LCORL: variants seen among roughly 807,000 people sequenced by gnomAD.
LCORL encodes the protein ligand-dependent nuclear receptor corepressor-like protein.
In LCORL, 41 loss-of-function variants were observed where a neutral mutation model predicts 141.8. The observed-to-expected ratio is 0.29, with a 90% CI of 0.23 to 0.38. The LOEUF is 0.38. Ranked by LOEUF, LCORL falls within the 10% of genes least tolerant of loss-of-function variation. The pLI is 1.00. For synonymous variants in LCORL, 618 were observed against 694.1 expected (o/e 0.89, Z 1.72); for missense variants, 1,759 against 2,035.0 (o/e 0.86, Z 2.61).
intron 6 of LCORL, among the ~76,000 whole-genome samples, chr4:17,878,666 G>C (rs184301814): frequency 2.0e-3 from 297 of 151,376 alleles, no homozygotes; most frequent in Non-Finnish European, 2.6e-3. Context: ...CCAAGGCAGT[G>C]AAAATAATAA....
chr4:17,865,763 A>T (rs1725569690), intron 7 of LCORL, among the ~76,000 whole-genome samples: 1 of 152,084 alleles, frequency 6.6e-6, no homozygotes, highest in Non-Finnish European at 1.5e-5. Context: ...CCCACCCCAT[A>T]CTCAATCAAA....
chr4:17,870,019 T>C (rs773254938), intron 7 of LCORL, among the ~76,000 whole-genome samples: 4 of 152,222 alleles, frequency 2.6e-5, no homozygotes, highest in Non-Finnish European at 5.9e-5. Flanking sequence ...TATTTGATGC[T>C]GACCTCACAA....
intron 5 of LCORL, among the ~76,000 whole-genome samples, chr4:17,901,577 GAAGGGAAACACAGCACAC>G (rs1730887470): frequency 1.3e-5 from 2 of 152,082 alleles, no homozygotes; most frequent in Non-Finnish European, 2.9e-5. Flanking sequence ...GATGTCACAA[GAAGGGAAACACAGCACAC>G]AAGGGAAACA....
exon 7 of LCORL, chr4:17,875,005 G>A: frequency 8.1e-7 from 1 of 1,233,680 alleles, no homozygotes; most frequent in Non-Finnish European, 1.0e-6. Context: ...CTAATAGAAT[G>A]TCTCAAAGGT....
At chr4:17,927,937 T>A (rs1322224031) in intron 4 of LCORL, among the ~76,000 whole-genome samples, 3 of 151,828 alleles carry the variant, frequency 2.0e-5, no homozygotes, top group Admixed American at 2.0e-4. Context: ...TGTAAAAAAA[T>A]GCAAAATCTA....
chr4:17,968,743 C>T (rs1015710584), intron 2 of LCORL, among the ~76,000 whole-genome samples: 5 of 152,112 alleles, frequency 3.3e-5, no homozygotes, highest in Non-Finnish European at 5.9e-5. Flanking sequence ...TCCAATAAAA[C>T]TTTATTAACT....
chr4:17,999,847 T>G (rs1399101710), intron 1 of LCORL, among the ~76,000 whole-genome samples: 1 of 152,188 alleles, frequency 6.6e-6, no homozygotes, highest in Non-Finnish European at 1.5e-5. Flanking sequence ...TTTGGCAATT[T>G]TCAACACTCA....
chr4:17,853,174 A>T (rs1243827008), intron 7 of LCORL, among the ~76,000 whole-genome samples: 1 of 151,526 alleles, frequency 6.6e-6, no homozygotes, highest in African/African-American at 2.4e-5. Context: ...TCCAGGGCCT[A>T]TGATCTATCA....
At chr4:18,001,630 G>A (rs1721975060) in intron 1 of LCORL, among the ~76,000 whole-genome samples, 1 of 152,136 alleles carries the variant, frequency 6.6e-6, no homozygotes, top group African/African-American at 2.4e-5. Context: ...AAGAAAGAAT[G>A]GAAGACAGAG....
chr4:17,969,591 T>G (rs192246265), intron 2 of LCORL, among the ~76,000 whole-genome samples: 23 of 152,270 alleles, frequency 1.5e-4, no homozygotes, highest in Admixed American at 1.4e-3. Flanking sequence ...TAATACGCAT[T>G]TAATTTCATA....
In LCORL at chr4:17,884,665, C is replaced by T; in HGVS notation, c.776+1403G>A. The T allele has an allele frequency of 6.5e-7, 1 of 1,537,212 alleles. No homozygotes were observed. The highest frequency in any genetic ancestry group is 8.8e-7 in the Non-Finnish European group (1 of 1,142,528). On this transcript the variant is annotated intron_variant, in intron 6 of 7. Transcript: ENST00000635767. The surrounding 1 kb of genome is among the most constrained non-coding windows in gnomAD (Gnocchi z 4.4). ...CTTTATTTATGTCCAGTGCTCCAGA[C>T]TGAATGTCTTTCAAAGCTTTTGAGA...
intron 5 of LCORL, among the ~76,000 whole-genome samples, chr4:17,899,134 A>G (rs748241814): frequency 1.3e-3 from 200 of 152,308 alleles, no homozygotes; most frequent in Non-Finnish European, 2.2e-3. Context: ...TTCATATTTT[A>G]CATTTCAATT....
exon 8 of LCORL, chr4:17,843,436 G>A: frequency 6.2e-7 from 1 of 1,610,034 alleles, no homozygotes; most frequent in Non-Finnish European, 8.5e-7. Flanking sequence ...GAAAGACGAT[G>A]GAGGTGGAAT....
chr4:17,876,351 A>G, exon 7 of LCORL: 1 of 1,230,954 alleles, frequency 8.1e-7, no homozygotes, highest in Non-Finnish European at 1.0e-6. Context: ...AGTAAGAGTC[A>G]TATTTCTGTC....
intron 1 of LCORL, among the ~76,000 whole-genome samples, chr4:18,006,762 C>T (rs1722883568): frequency 6.6e-6 from 1 of 152,142 alleles, no homozygotes; most frequent in South Asian, 2.1e-4. Context: ...TTACCTCCCA[C>T]CAGTTTCCTC....
At chr4:17,850,112 C>A (rs1288329316) in intron 7 of LCORL, among the ~76,000 whole-genome samples, 79 of 147,472 alleles carry the variant, frequency 5.4e-4, no homozygotes, top group Non-Finnish European at 9.9e-4. Flanking sequence ...CTTCCTTACA[C>A]CTTATACAAA....
chr4:17,957,052 T>A (rs1426582729), intron 4 of LCORL, among the ~76,000 whole-genome samples: 1 of 151,116 alleles, frequency 6.6e-6, no homozygotes, highest in Non-Finnish European at 1.5e-5. Flanking sequence ...GTGGCTAGAG[T>A]AGAATAAAGG....
Position 17,967,871 on chromosome 4 carries a change from T to C in LCORL, c.221-4822A>G, listed in dbSNP as rs187704208. ...CTTTTTTTTTCTTTTCTTTTCTTTTTTTTTGAGATGGAGTTCCACTCTGTT... is the reference window on the plus strand; with the variant it reads ...CTTTTTTTTTCTTTTCTTTTCTTTTCTTTTGAGATGGAGTTCCACTCTGTT... On this transcript the variant is annotated intron_variant, in intron 2 of 7. Coordinates refer to ENST00000635767, the Ensembl canonical transcript of LCORL. Among the ~76,000 whole-genome samples, 328 of 152,064 alleles carry C rather than the reference T, an allele frequency of 2.2e-3. 1 individual carries two copies. The highest frequency in any genetic ancestry group is 7.7e-3 in the African/African-American group (318 of 41,468).
In LCORL at chr4:18,021,407, A is replaced by C. The variant is rs2109924103; in HGVS notation, c.154+191T>G. 6.6e-6 allele frequency among the ~76,000 whole-genome samples: 1 copy of C among 152,150 alleles called. No individual in the cohort carries two copies. The highest frequency in any genetic ancestry group is 1.9e-4 in the East Asian group (1 of 5,134). On this transcript the variant is annotated intron_variant, in intron 1 of 7. Transcript: ENST00000635767. This position sits in a 1 kb window ranked among gnomAD's most constrained non-coding sequence, Gnocchi z 5.5. ...GAGCTGGGAAGGCGAAGGAGCGCGG[A>C]CCGCGCCGGGCCAGCAGCCCGCAAG...
Sources: gnomAD v4.1 joint callset for allele counts (sites outside exome capture counted in the v4.1 genomes callset) on GRCh38, gnomAD v4.1.1 for gene constraint, Gnocchi (gnomAD v3.1) non-coding constraint, MANE v1.5 for transcripts, NCBI Gene and HGNC (gene_info 2026-07-23, HGNC 2026-07-21) for gene names.